CHRM3: variants seen among roughly 807,000 people sequenced by gnomAD.
CHRM3 encodes muscarinic acetylcholine receptor M3.
CHRM3 carries 11 observed loss-of-function variants against 41.8 expected under a neutral mutation model. The ratio of observed to expected loss-of-function variants is 0.26; its 90% CI spans 0.17 to 0.44. The LOEUF is 0.44. CHRM3 is among the 20% of genes least tolerant of loss of function. The pLI, the probability that CHRM3 is intolerant of heterozygous loss-of-function variation, is 1.00. For missense variants in CHRM3, 571 were observed against 745.4 expected (o/e 0.77, Z 2.72); for synonymous variants, 297 against 301.4 (o/e 0.99, Z 0.15).
chr1:239,655,102 G>A (rs191358229), intron 4 of CHRM3, among the ~76,000 whole-genome samples: 4 of 152,264 alleles, frequency 2.6e-5, no homozygotes, highest in African/African-American at 7.2e-5. Context: ...CTCGTGCAGC[G>A]AAAGAGGAAA....
Position 239,908,536 on chromosome 1 carries a change from G to C in CHRM3, c.1085G>C (p.Arg362Thr), listed in dbSNP as rs866645963. Residue 362 changes from arginine (R) to threonine (T), a missense_variant, in exon 7 of 7, where the codon AGA becomes ACA. By Grantham distance (71) the Arg-to-Thr change is moderately conservative. Transcript: ENST00000676153. This position sits in a 1 kb window ranked among gnomAD's most constrained non-coding sequence, Gnocchi z 7.2. Reference sequence around the variant, plus strand: ...GAGGAGGACATTGGCTCCGAGACGAGAGCCATCTACTCCATCGTGCTCAAG... The same window carrying C: ...GAGGAGGACATTGGCTCCGAGACGACAGCCATCTACTCCATCGTGCTCAAG... ...SDEEDIGSET[R>T]AIYSIVLKLP... is the part of the protein sequence containing the mutation. 1.9e-6 allele frequency: 3 copies of C among 1,588,750 alleles called. No individual in the cohort carries two copies. Among genetic ancestry groups the C allele is most frequent in the African/African-American group, 1.3e-5 (1 of 74,170 alleles).
At chr1:239,474,271 T>C (rs1484119878) in intron 1 of CHRM3, among the ~76,000 whole-genome samples, 4 of 152,094 alleles carry the variant, frequency 2.6e-5, no homozygotes, top group Non-Finnish European at 5.9e-5. Context: ...TCATTGTAAC[T>C]GCAAATTGGT....
At chr1:239,813,620 C>T (rs1671291767) in intron 5 of CHRM3, among the ~76,000 whole-genome samples, 1 of 151,936 alleles carries the variant, frequency 6.6e-6, no homozygotes, top group South Asian at 2.1e-4. Context: ...TAACAGAAAC[C>T]ATCAAACTCA....
chr1:239,547,589 C>A (rs1659418298), intron 3 of CHRM3, among the ~76,000 whole-genome samples: 1 of 152,196 alleles, frequency 6.6e-6, no homozygotes, highest in Non-Finnish European at 1.5e-5. Context: ...ATAGTCCATA[C>A]TGCCTTTGTT....
chr1:239,589,734 G>A (rs1663894038), intron 3 of CHRM3, among the ~76,000 whole-genome samples: 1 of 146,466 alleles, frequency 6.8e-6, no homozygotes, highest in South Asian at 2.1e-4. Flanking sequence ...CTTGCAATTA[G>A]CACCTTAAAT....
chr1:239,487,356 A>C lies in CHRM3; in HGVS notation c.-520-5353A>C, dbSNP rs371586539. ...AAAACCCCTTGAAAATAAATGAAAA[A>C]CCGAGTAGAATTTAGTGCATGGTCT... On this transcript the variant is annotated intron_variant, in intron 1 of 6. Coordinates refer to ENST00000676153, the MANE Select transcript of CHRM3 (RefSeq NM_001375978.1). Among the ~76,000 whole-genome samples, 44 of 152,250 alleles carry C rather than the reference A, an allele frequency of 2.9e-4. 2 individuals are homozygous for C. The East Asian group carries it at 8.3e-3, about 29-fold the overall frequency.
At chr1:239,406,869 G>C (rs541069889) in intron 1 of CHRM3, among the ~76,000 whole-genome samples, 9 of 152,268 alleles carry the variant, frequency 5.9e-5, no homozygotes, top group African/African-American at 2.2e-4. Flanking sequence ...CTACAAATAT[G>C]TTAACTTGTA....
At chr1:239,613,796 A>G (rs771027249) in intron 3 of CHRM3, among the ~76,000 whole-genome samples, 20 of 151,752 alleles carry the variant, frequency 1.3e-4, no homozygotes, top group Non-Finnish European at 2.6e-4. Context: ...TTCCTCTCAC[A>G]TACACTCAAC....
At chr1:239,834,427 C>T (rs1186091775) in intron 6 of CHRM3, among the ~76,000 whole-genome samples, 2 of 151,490 alleles carry the variant, frequency 1.3e-5, no homozygotes, top group Admixed American at 1.3e-4. Flanking sequence ...ATTCTCCTGC[C>T]TCAGCTTCCC....
intron 4 of CHRM3, among the ~76,000 whole-genome samples, chr1:239,648,831 G>A (rs962926857): frequency 3.3e-5 from 5 of 152,114 alleles, no homozygotes; most frequent in Non-Finnish European, 5.9e-5. Flanking sequence ...CAAACAGATT[G>A]AGATGTTCGG....
chr1:239,707,292 A>T (rs1448520410), intron 5 of CHRM3: 1 of 152,240 alleles, frequency 6.6e-6, no homozygotes, highest in Non-Finnish European at 1.5e-5. Flanking sequence ...ACATATGCTT[A>T]TGCACAGACT....
chr1:239,629,948 A>T (rs998889978), intron 3 of CHRM3, among the ~76,000 whole-genome samples: 1 of 152,180 alleles, frequency 6.6e-6, no homozygotes, highest in East Asian at 1.9e-4. Flanking sequence ...GAAGACTGTC[A>T]TCTGTACTTA....
intron 3 of CHRM3, among the ~76,000 whole-genome samples, chr1:239,559,703 A>T (rs777704953): frequency 2.0e-5 from 3 of 152,176 alleles, no homozygotes; most frequent in Non-Finnish European, 4.4e-5. Context: ...ATGTTATTAG[A>T]TGATGGTGAC....
intron 5 of CHRM3, among the ~76,000 whole-genome samples, chr1:239,708,416 G>T (rs542552256): frequency 6.6e-6 from 1 of 152,216 alleles, no homozygotes; most frequent in Non-Finnish European, 1.5e-5. Flanking sequence ...CCTGTCTTTT[G>T]CACAGTAGCT....
At chr1:239,675,553 A>T (rs1657914807) in intron 4 of CHRM3, among the ~76,000 whole-genome samples, 1 of 152,166 alleles carries the variant, frequency 6.6e-6, no homozygotes, top group East Asian at 1.9e-4. Context: ...ATTATTGCTC[A>T]TTGTTGTCTG....
chr1:239,435,228 G>C, intron 1 of CHRM3, among the ~76,000 whole-genome samples: 1 of 152,090 alleles, frequency 6.6e-6, no homozygotes, highest in Non-Finnish European at 1.5e-5. Flanking sequence ...AAGGCGGGCG[G>C]ATCACGAGGT....
chr1:239,811,851 TA>T (rs139162807), intron 5 of CHRM3, among the ~76,000 whole-genome samples: 13 of 151,184 alleles, frequency 8.6e-5, no homozygotes, highest in East Asian at 1.9e-4. Context: ...TTAAAGCCTT[TA>T]AAAAAAAATA....
chr1:239,504,251 G>A (rs1449814033), intron 2 of CHRM3, among the ~76,000 whole-genome samples: 1 of 152,110 alleles, frequency 6.6e-6, no homozygotes, highest in African/African-American at 2.4e-5. Context: ...AAAAAAGGGG[G>A]CTGAGGACAT....
intron 6 of CHRM3, among the ~76,000 whole-genome samples, chr1:239,862,513 G>A (rs1191577552): frequency 3.3e-5 from 5 of 152,078 alleles, no homozygotes; most frequent in Non-Finnish European, 5.9e-5. Flanking sequence ...AAGTCACAAA[G>A]GGCAGTAGAA....
Sources: gnomAD v4.1 joint callset for allele counts (sites outside exome capture counted in the v4.1 genomes callset) on GRCh38, gnomAD v4.1.1 for gene constraint, Gnocchi (gnomAD v3.1) non-coding constraint, MANE v1.5 for transcripts, NCBI Gene and HGNC (gene_info 2026-07-23, HGNC 2026-07-21) for gene names.